DSC2: variants seen among roughly 807,000 people sequenced by gnomAD.
DSC2 encodes the protein desmocollin-2.
In DSC2, 51 loss-of-function variants were observed where a neutral mutation model predicts 87.6. The observed-to-expected ratio is 0.58, with a 90% confidence interval of 0.46 to 0.74. The LOEUF (loss-of-function observed/expected upper bound fraction) is 0.74. Among genes scored for constraint, DSC2 ranks in the 30% least tolerant of loss-of-function variants. The pLI is 0.00. For synonymous variants in DSC2, 383 were observed against 393.2 expected (o/e 0.97, Z 0.31); for missense variants, 1,066 against 1,089.5 (o/e 0.98, Z 0.30).
chr18:31,093,594 G>A lies in DSC2; in HGVS notation c.119C>T (p.Pro40Leu), dbSNP rs1022171817. The change falls in exon 2 of 16, where the codon CCC (proline) becomes CTC (leucine). Residue 40 changes from proline to leucine, a missense_variant. Transcript: ENST00000280904. ...DACKNVTLHV[P>L]SKLDAEKLVG... is the part of the protein sequence containing the mutation. ...AAGTTTCTCGGCATCTAGTTTGGAG[G>A]GAACATGTAATGTCACATTTTTGCA... The A allele has an allele frequency of 6.2e-7, 1 of 1,602,698 alleles. No individual in the cohort carries two copies. The highest frequency in any genetic ancestry group is 8.5e-7 in the Non-Finnish European group (1 of 1,172,910).
intron 8 of DSC2, among the ~76,000 whole-genome samples, chr18:31,082,634 T>C (rs1181725807): frequency 6.6e-6 from 1 of 152,190 alleles, no homozygotes; most frequent in African/African-American, 2.4e-5. Flanking sequence ...TTTCCTTCAC[T>C]GCAACCTCTG....
At chr18:31,068,866 G>C in intron 15 of DSC2, 28 bp downstream of exon 15, 5 of 1,612,180 alleles carry the variant, frequency 3.1e-6, no homozygotes, top group Non-Finnish European at 4.2e-6. Flanking sequence ...AATTAAAATA[G>C]ATTTGTAGGC....
In DSC2 at chr18:31,069,009, C is replaced by A. The variant is rs61731921; in HGVS notation, c.2393G>T (p.Arg798Leu). ...KGGHQTSESC[R>L]GAGHHHTLDS... ...CAGGGTGTGATGGTGGCCAGCCCCC[C>A]GGCAGGATTCCGAGGTCTGGTGTCC... is the stretch of plus-strand genomic sequence containing the variant. Residue 798 changes from arginine to leucine, a missense_variant, in exon 15 of 16, where the codon CGG becomes CTG. Physicochemically the swap from Arg to Leu is moderately radical, Grantham distance 102 (BLOSUM62 -2). Coordinates refer to ENST00000280904, the MANE Select transcript of DSC2 (RefSeq NM_024422.6). 1.1e-4 allele frequency: 172 copies of A among 1,613,882 alleles called. No homozygotes were observed. Among genetic ancestry groups the A allele is most frequent in the Non-Finnish European group, 1.4e-4 (166 of 1,179,990 alleles).
Position 31,074,806 on chromosome 18 carries a change from T to A in DSC2, c.1765A>T (p.Met589Leu), listed in dbSNP as rs1442456553. The A allele has an allele frequency of 6.2e-7, 1 of 1,613,930 alleles. No homozygotes were observed. Among genetic ancestry groups the A allele is most frequent in the Non-Finnish European group, 8.5e-7 (1 of 1,180,004 alleles). ...KKTVIICKPTMSSAEIVAVDP... is the reference protein window; with the variant it reads ...KKTVIICKPTLSSAEIVAVDP... ...ACCGCAACAATCTCCGCAGATGACATGGTGGGTTTGCAGATGATCACTGTC... is the reference window on the plus strand; with the variant it reads ...ACCGCAACAATCTCCGCAGATGACAAGGTGGGTTTGCAGATGATCACTGTC... Residue 589 changes from methionine to leucine, a missense_variant, in exon 12 of 16, where the codon ATG becomes TTG. Met to Leu is a conservative substitution (Grantham distance 15). Coordinates refer to ENST00000280904, the MANE Select transcript of DSC2 (RefSeq NM_024422.6).
At chr18:31,072,560 C>A (rs1278529465) in intron 12 of DSC2, among the ~76,000 whole-genome samples, 1 of 152,096 alleles carries the variant, frequency 6.6e-6, no homozygotes, top group Non-Finnish European at 1.5e-5. Context: ...GTGTGAGACA[C>A]ACGTCTCTCA....
rs1006334266 is a variant in DSC2 at position 31,087,561 on chromosome 18, C to G, written c.775+108G>C. The stretch of plus-strand genomic sequence containing the variant: ...ACAGAGTAAAATTCCACCCAGAGTC[C>G]CTTATTCTTGCTGCTGGGATACGCT... On this transcript the variant is annotated intron_variant, in intron 6 of 15. Transcript: ENST00000280904. The G allele has an allele frequency of 1.7e-4, 222 of 1,301,312 alleles. 2 individuals are homozygous for G. In the Admixed American group the frequency reaches 3.7e-3, roughly 22 times the overall value. 80.6% of individuals were successfully genotyped at this position (1,301,312 alleles called of 1,614,324 possible).
intron 9 of DSC2, among the ~76,000 whole-genome samples, chr18:31,080,994 C>T (rs1987201753): frequency 1.3e-5 from 2 of 151,748 alleles, no homozygotes; most frequent in Admixed American, 6.5e-5. Context: ...AGTAGTATAA[C>T]AGGTATTGAT....
chr18:31,101,825 A>T, intron 1 of DSC2, 78 bp downstream of exon 1: 5 of 1,305,520 alleles, frequency 3.8e-6, no homozygotes, highest in Non-Finnish European at 5.0e-6. Context: ...ACCCCCACCT[A>T]TCCCCGTTCC....
Position 31,062,694 on chromosome 18 carries a change from G to A in DSC2, c.*5321C>T, listed in dbSNP as rs1199029811. 6.6e-6 allele frequency: 1 copy of A among 152,182 alleles called. No homozygotes were observed. The highest frequency in any genetic ancestry group is 1.5e-5 in the Non-Finnish European group (1 of 68,060). The allele number at this position is 152,182 out of a possible 1,614,324, so 9.4% of individuals were successfully genotyped here. On this transcript the variant is annotated 3_prime_UTR_variant, in exon 16 of 16. Coordinates refer to ENST00000280904, the MANE Select transcript of DSC2 (RefSeq NM_024422.6). ...ACATTTCAATATGGGGCAATTATTG[G>A]TGGCTACAAGTAGGTTCGTGCAATT...
Position 31,102,264 on chromosome 18 carries a change from C to G in DSC2, c.-293G>C, listed in dbSNP as rs558388833. On this transcript the variant is annotated 5_prime_UTR_variant, in exon 1 of 16. Coordinates refer to ENST00000280904, the MANE Select transcript of DSC2 (RefSeq NM_024422.6). ...TAAGACTTCATTTCTCTAAGAAAGC[C>G]ACGGGTGGGAACTCCCTCTCGCCGC... is the stretch of plus-strand genomic sequence containing the variant. 15 of 340,102 alleles carry G rather than the reference C, an allele frequency of 4.4e-5. No homozygotes were observed. In the South Asian group the frequency reaches 1.6e-3, roughly 36 times the overall value. The allele number at this position is 340,102 out of a possible 1,614,324, so 21.1% of individuals were successfully genotyped here. A position where few individuals can be genotyped will look rare whatever the true frequency, so the allele number is the denominator to read the frequency against.
chr18:31,069,050 G>C lies in DSC2; in HGVS notation c.2352C>G (p.Ile784Met). The C allele has an allele frequency of 2.5e-6, 4 of 1,614,064 alleles. No homozygotes were observed. Among genetic ancestry groups the C allele is most frequent in the Non-Finnish European group, 2.5e-6 (3 of 1,180,012 alleles). Residue 784 changes from isoleucine (I) to methionine (M), a missense_variant, in exon 15 of 16, where the codon ATC becomes ATG. Coordinates refer to ENST00000280904, the MANE Select transcript of DSC2 (RefSeq NM_024422.6). ...TCTGGTGTCCTCCTTTCACCATTTC[G>C]ATGGTCTCCTGACCTCCGTTTTTGA... The part of the protein sequence containing the change: ...SGIKNGGQET[I>M]EMVKGGHQTS...
At chr18:31,089,718 T>C (rs1987529477) in intron 4 of DSC2, 124 bp from the exon 5 acceptor site, 1 of 927,546 alleles carries the variant, frequency 1.1e-6, no homozygotes, top group East Asian at 2.8e-5. Flanking sequence ...TATTATTATA[T>C]ATAAATTAAA....
At position 31,067,921 on chromosome 18, in the gene DSC2, AC is replaced by A. The variant is rs1430962091; in HGVS notation, c.*93del. The stretch of plus-strand genomic sequence containing the variant: ...TCCAAATAATGAGAGAAAAACCCCC[AC>A]AAATAGCATCTTCTGCTTTAAAAAA... On this transcript the variant is annotated 3_prime_UTR_variant, in exon 16 of 16. Transcript: ENST00000280904. The A allele has an allele frequency of 5.2e-5, 61 of 1,173,368 alleles. No homozygotes were observed. The highest frequency in any genetic ancestry group is 1.5e-4 in the Admixed American group (8 of 51,784). The allele number at this position is 1,173,368 out of a possible 1,614,324, so 72.7% of individuals were successfully genotyped here.
chr18:31,094,091 G>C (rs1346213282), intron 1 of DSC2, among the ~76,000 whole-genome samples: 1 of 152,032 alleles, frequency 6.6e-6, no homozygotes, highest in East Asian at 1.9e-4. Flanking sequence ...TAACTCAGTG[G>C]GTACAGTGAC....
intron 1 of DSC2, 30 bp downstream of exon 1, chr18:31,101,873 C>T: frequency 2.0e-6 from 3 of 1,516,094 alleles, no homozygotes; most frequent in Middle Eastern, 1.7e-4. Flanking sequence ...TCGCCCCCTT[C>T]CCCGGAGCGG....
At position 31,066,028 on chromosome 18, in the gene DSC2, G is replaced by A. The variant is rs1182253111; in HGVS notation, c.*1987C>T. ...GAGTGCCTTTTAGGTGGACCGCTCT[G>A]TATGACTCTCATGCTTCAAAACTAT... On this transcript the variant is annotated 3_prime_UTR_variant, in exon 16 of 16. Coordinates refer to ENST00000280904, the MANE Select transcript of DSC2 (RefSeq NM_024422.6). The A allele has an allele frequency of 6.6e-6, 1 of 152,122 alleles. No homozygotes were observed. The highest frequency in any genetic ancestry group is 2.4e-5 in the African/African-American group (1 of 41,422). 9.4% of individuals were successfully genotyped at this position (152,122 alleles called of 1,614,324 possible). A position where few individuals can be genotyped will look rare whatever the true frequency, so the allele number is the denominator to read the frequency against.
intron 15 of DSC2, 36 bp from the exon 16 acceptor site, chr18:31,068,248 T>C: frequency 2.5e-6 from 4 of 1,612,916 alleles, no homozygotes; most frequent in Non-Finnish European, 3.4e-6. Context: ...TTTATTATTA[T>C]TATTTTAAAC....
At chr18:31,097,244 C>T (rs1161121443) in intron 1 of DSC2, among the ~76,000 whole-genome samples, 2 of 149,980 alleles carry the variant, frequency 1.3e-5, no homozygotes, top group African/African-American at 2.5e-5. Flanking sequence ...GCAGAGATCA[C>T]GCCACTGCAC....
In DSC2 at chr18:31,068,096, T is replaced by C; in HGVS notation, c.2625A>G (p.Arg875=). 1.2e-6 allele frequency: 2 copies of C among 1,614,074 alleles called. No individual in the cohort carries two copies. The highest frequency in any genetic ancestry group is 1.7e-6 in the Non-Finnish European group (2 of 1,179,988). ...AAAATTCAAGCCCATCTTCTTCTTG[T>C]CGTTCACTGCAACAACCTACAGACC... ...VAGSVGCCSE[R]QEEDGLEFLD... The change falls in exon 16 of 16, where the codon CGA becomes CGG. Residue 875 remains arginine (R), a synonymous_variant. Transcript: ENST00000280904.
Sources: gnomAD v4.1 joint callset for allele counts (sites outside exome capture counted in the v4.1 genomes callset) on GRCh38, gnomAD v4.1.1 for gene constraint, MANE v1.5 for transcripts, NCBI Gene and HGNC (gene_info 2026-07-23, HGNC 2026-07-21) for gene names.